Variants in FAM117A observed in about 807,000 individuals in gnomAD.
The protein encoded by FAM117A is protein FAM117A.
In FAM117A, 21 loss-of-function variants were observed where a neutral mutation model predicts 44.1. The ratio of observed to expected loss-of-function variants is 0.48; its 90% CI spans 0.34 to 0.69. FAM117A has a LOEUF of 0.69. Among genes scored for constraint, FAM117A ranks in the 30% least tolerant of loss-of-function variants. The pLI, the probability that FAM117A is intolerant of heterozygous loss-of-function variation, is 0.01. For missense variants in FAM117A, 498 were observed against 589.9 expected (o/e 0.84, Z 1.61); for synonymous variants, 220 against 238.3 (o/e 0.92, Z 0.71).
In FAM117A at chr17:49,726,034, A is replaced by G. The variant is rs927424925; in HGVS notation, c.367-3440T>C. Among the ~76,000 whole-genome samples, 11 of 152,186 alleles carry G rather than the reference A, an allele frequency of 7.2e-5. No homozygotes were observed. In the East Asian group the frequency reaches 1.9e-3, roughly 27 times the overall value. ...GAGCCTCCTGGGAGAGAATGGCCCT[A>G]CCAACACCTTGATCTCAGCCCAGTG... On this transcript the variant is annotated intron_variant, in intron 2 of 7. Transcript: ENST00000240364.
In FAM117A at chr17:49,719,880, G is replaced by C; in HGVS notation, c.588C>G (p.Ser196Arg). The change falls in exon 5 of 8, where the codon AGC (serine) becomes AGG (arginine). Residue 196 changes from serine (S) to arginine (R), a missense_variant. Transcript: ENST00000240364. Reference sequence around the variant, plus strand: ...GCAAGACAGGGGACCCTGAGGGGAAGCTGGGAGGGGACGCCTGAGGAAGAG... The same window carrying C: ...GCAAGACAGGGGACCCTGAGGGGAACCTGGGAGGGGACGCCTGAGGAAGAG... ...VRGALRASPP[S>R]FPSGSPVLRL... is the part of the protein sequence containing the mutation. The C allele has an allele frequency of 6.2e-7, 1 of 1,604,334 alleles. No homozygotes were observed. The highest frequency in any genetic ancestry group is 8.5e-7 in the Non-Finnish European group (1 of 1,177,302).
chr17:49,713,521 T>C (rs775084258), intron 7 of FAM117A, among the ~76,000 whole-genome samples: 1 of 152,090 alleles, frequency 6.6e-6, no homozygotes, highest in Non-Finnish European at 1.5e-5. Flanking sequence ...ACCATCTTTT[T>C]TTTTGGACAG....
chr17:49,780,275 A>C (rs1363623676), intron 1 of FAM117A, among the ~76,000 whole-genome samples: 9 of 152,144 alleles, frequency 5.9e-5, no homozygotes, highest in African/African-American at 4.8e-5. Flanking sequence ...ATGCAGTGTC[A>C]TTTTTTTATC....
At chr17:49,784,580 C>CTATT (rs1334829328) in intron 1 of FAM117A, among the ~76,000 whole-genome samples, 1 of 152,212 alleles carries the variant, frequency 6.6e-6, no homozygotes, top group East Asian at 1.9e-4. Flanking sequence ...CACCTCTCTA[C>CTATT]TATTGCACAT....
At chr17:49,777,377 C>T (rs2073778161) in intron 1 of FAM117A, among the ~76,000 whole-genome samples, 1 of 152,156 alleles carries the variant, frequency 6.6e-6, no homozygotes, top group African/African-American at 2.4e-5. Flanking sequence ...CCTATTCCTT[C>T]AGACCCAGCT....
chr17:49,721,289 G>A (rs531513458), intron 3 of FAM117A, among the ~76,000 whole-genome samples: 1 of 152,224 alleles, frequency 6.6e-6, no homozygotes, highest in Non-Finnish European at 1.5e-5. Context: ...GCCCTCAACT[G>A]GAAAATGCTC....
intron 1 of FAM117A, among the ~76,000 whole-genome samples, chr17:49,755,998 A>G (rs2073697229): frequency 6.6e-6 from 1 of 152,120 alleles, no homozygotes. Flanking sequence ...TGAGGTGCCT[A>G]CTCTTAAAAA....
chr17:49,726,811 A>C (rs1056867567), intron 2 of FAM117A, among the ~76,000 whole-genome samples: 2 of 151,722 alleles, frequency 1.3e-5, no homozygotes, highest in African/African-American at 4.8e-5. Context: ...CCCTATCTCT[A>C]TAAAAGAAAT....
intron 1 of FAM117A, 39 bp from the exon 2 acceptor site, chr17:49,732,759 TGGAGGAAGGAGACGTGGCAATCAC>T: frequency 6.3e-7 from 1 of 1,596,194 alleles, no homozygotes. Flanking sequence ...GCCATCAGCA[TGGAGGAAGGAGACGTGGCAATCAC>T]CTTCCTCTTC....
chr17:49,778,254 C>A (rs11079876), intron 1 of FAM117A, among the ~76,000 whole-genome samples: 55,939 of 152,092 alleles, frequency 0.37, 12,652 homozygotes, highest in Middle Eastern at 0.57. Context: ...AAGCTAACAA[C>A]AAAAATAGTT....
rs1262092763 is a variant in FAM117A at position 49,745,032 on chromosome 17, A to AAC, written c.197-12314_197-12313dup. On this transcript the variant is annotated intron_variant, in intron 1 of 7. Transcript: ENST00000240364. Reference sequence around the variant, plus strand: ...CTGTCTCAAAAAAAAAAAAAAAAAAAACACACACACACACAAGAAAAAATA... The same window carrying AAC: ...CTGTCTCAAAAAAAAAAAAAAAAAAAACACACACACACACACAAGAAAAAATA... Among the ~76,000 whole-genome samples, 450 of 147,432 alleles carry AAC rather than the reference A, an allele frequency of 3.1e-3. 6 individuals are homozygous for AAC. The highest frequency in any genetic ancestry group is 4.2e-3 in the South Asian group (19 of 4,512).
At chr17:49,727,925 G>A (rs1480986862) in intron 2 of FAM117A, among the ~76,000 whole-genome samples, 2 of 152,172 alleles carry the variant, frequency 1.3e-5, no homozygotes, top group Non-Finnish European at 2.9e-5. Context: ...GGTGTGGACC[G>A]TCAGGACCAC....
At chr17:49,711,658 G>T in intron 7 of FAM117A, 103 bp from the exon 8 acceptor site, 1 of 1,134,248 alleles carries the variant, frequency 8.8e-7, no homozygotes, top group Non-Finnish European at 1.3e-6. Context: ...CAGGAGAGCT[G>T]GGTCTCTGTT....
At chr17:49,738,155 CT>C (rs1391017167) in intron 1 of FAM117A, among the ~76,000 whole-genome samples, 4 of 152,200 alleles carry the variant, frequency 2.6e-5, no homozygotes, top group Non-Finnish European at 5.9e-5. Flanking sequence ...TTCCATCACT[CT>C]TCATATCCTA....
chr17:49,757,203 G>C (rs2073702541), intron 1 of FAM117A, among the ~76,000 whole-genome samples: 1 of 151,958 alleles, frequency 6.6e-6, no homozygotes, highest in African/African-American at 2.4e-5. Flanking sequence ...CACCCCCCCA[G>C]CAACTCTCGG....
At chr17:49,742,922 C>A (rs2073640463) in intron 1 of FAM117A, among the ~76,000 whole-genome samples, 1 of 152,148 alleles carries the variant, frequency 6.6e-6, no homozygotes, top group Admixed American at 6.5e-5. Context: ...ACTCTGATTT[C>A]TGTTATGGGT....
intron 1 of FAM117A, among the ~76,000 whole-genome samples, chr17:49,749,106 G>A (rs190452772): frequency 1.3e-4 from 20 of 152,246 alleles, no homozygotes; most frequent in African/African-American, 4.6e-4. Context: ...CTCACAAGGC[G>A]GTGGGTACAA....
upstream of FAM117A, among the ~76,000 whole-genome samples, chr17:49,768,851 A>G (rs762463724): frequency 1.3e-5 from 2 of 152,042 alleles, no homozygotes; most frequent in African/African-American, 2.4e-5. Flanking sequence ...TCTCTGACTC[A>G]TTTTGTCCCT....
At chr17:49,722,389 G>A (rs565833254) in intron 3 of FAM117A, 110 bp downstream of exon 3, 1 of 875,654 alleles carries the variant, frequency 1.1e-6, no homozygotes, top group Non-Finnish European at 1.8e-6. Flanking sequence ...GCCAGGTCAA[G>A]ATAGGAGAGG....
Sources: gnomAD v4.1 joint callset for allele counts (sites outside exome capture counted in the v4.1 genomes callset) on GRCh38, gnomAD v4.1.1 for gene constraint, MANE v1.5 for transcripts, NCBI Gene and HGNC (gene_info 2026-07-23, HGNC 2026-07-21) for gene names.